The following TMEM132B variants were observed in gnomAD, a reference collection of about 807,000 sequenced individuals.
TMEM132B encodes transmembrane protein 132B.
A neutral mutation model predicts 90.8 loss-of-function variants in TMEM132B; 18 were observed. The observed-to-expected ratio is 0.20, with a 90% CI of 0.14 to 0.29. The LOEUF is 0.29. Ranked by LOEUF, TMEM132B falls within the 10% of genes least tolerant of loss-of-function variation. The pLI is 1.00. For synonymous variants in TMEM132B, 504 were observed against 523.3 expected (o/e 0.96, Z 0.50); for missense variants, 1,096 against 1,326.8 (o/e 0.83, Z 2.70).
intron 1 of TMEM132B, among the ~76,000 whole-genome samples, chr12:125,264,625 G>A (rs959135438): frequency 1.3e-5 from 2 of 152,220 alleles, no homozygotes; most frequent in Admixed American, 6.5e-5. Context: ...AAGCAGTTGG[G>A]TCTGGGAGAG....
In TMEM132B at chr12:125,428,598, G is replaced by A. The variant is rs541903245; in HGVS notation, c.1106+12921G>A. Among the ~76,000 whole-genome samples the A allele has an allele frequency of 3.8e-4, 57 of 151,978 alleles. 1 individual carries two copies. The highest frequency in any genetic ancestry group is 3.4e-3 in the Middle Eastern group (1 of 294). On this transcript the variant is annotated intron_variant, in intron 3 of 8. Transcript: ENST00000682704. ...CAACCCTCCATCTTCCTTTTTCTCC[G>A]TTTCCTAGAGAAAATTCTCCATGAT...
At chr12:125,482,131 G>C (rs1452565916) in intron 3 of TMEM132B, among the ~76,000 whole-genome samples, 1 of 152,162 alleles carries the variant, frequency 6.6e-6, no homozygotes, top group Non-Finnish European at 1.5e-5. Context: ...TTAAATGTTA[G>C]ACCTAAAACC....
chr12:125,229,650 G>C (rs1243777827), intron 1 of TMEM132B, among the ~76,000 whole-genome samples: 1 of 152,228 alleles, frequency 6.6e-6, no homozygotes, highest in Non-Finnish European at 1.5e-5. Flanking sequence ...TCAAGGCACA[G>C]ATATTCTCGT....
chr12:125,345,038 C>T (rs1877312315), intron 1 of TMEM132B, among the ~76,000 whole-genome samples: 1 of 152,100 alleles, frequency 6.6e-6, no homozygotes, highest in Non-Finnish European at 1.5e-5. Flanking sequence ...TGTGATTATT[C>T]CCGCGGTACC....
At chr12:125,254,801 A>G (rs1316875627) in intron 1 of TMEM132B, among the ~76,000 whole-genome samples, 2 of 150,816 alleles carry the variant, frequency 1.3e-5, no homozygotes, top group African/African-American at 4.9e-5. Flanking sequence ...CTCCTGCCTC[A>G]GCCTCCCAAG....
chr12:125,225,423 C>T (rs78078399), intron 1 of TMEM132B, among the ~76,000 whole-genome samples: 5,466 of 152,308 alleles, frequency 0.036, 126 homozygotes, highest in Non-Finnish European at 0.049. Flanking sequence ...TGTGACAGCA[C>T]AGGCCACTCA....
intron 2 of TMEM132B, among the ~76,000 whole-genome samples, chr12:125,381,760 G>A (rs867941438): frequency 2.6e-5 from 4 of 152,172 alleles, no homozygotes; most frequent in Non-Finnish European, 4.4e-5. Flanking sequence ...GTGTGTTCAC[G>A]TAAATCAGGG....
chr12:125,271,214 C>G (rs1239455805), intron 1 of TMEM132B, among the ~76,000 whole-genome samples: 1 of 152,186 alleles, frequency 6.6e-6, no homozygotes, highest in East Asian at 1.9e-4. Context: ...AGGGATCCTC[C>G]TGCCTCAGCT....
chr12:125,215,850 A>G (rs975306614), intron 1 of TMEM132B, among the ~76,000 whole-genome samples: 2 of 152,220 alleles, frequency 1.3e-5, no homozygotes, highest in Non-Finnish European at 2.9e-5. Context: ...CCTCTTTCTT[A>G]TAAAGACCCT....
Position 125,659,980 on chromosome 12 carries a change from C to A in TMEM132B, c.*5270C>A, listed in dbSNP as rs1051151462. On this transcript the variant is annotated 3_prime_UTR_variant, in exon 9 of 9. Coordinates refer to ENST00000682704, the MANE Select transcript of TMEM132B (RefSeq NM_001366854.1). ...TTCCCTGGGAACATGGGAGCACTGA[C>A]ACAGAACTCAACTGGTCCAGCCCTT... The A allele has an allele frequency of 2.0e-5, 3 of 152,334 alleles. No homozygotes were observed. Among genetic ancestry groups the A allele is most frequent in the African/African-American group, 7.2e-5 (3 of 41,452 alleles). The allele number at this position is 152,334 out of a possible 1,614,324, so 9.4% of individuals were successfully genotyped here.
intron 1 of TMEM132B, among the ~76,000 whole-genome samples, chr12:125,311,578 C>T (rs1876125360): frequency 6.6e-6 from 1 of 152,190 alleles, no homozygotes; most frequent in Non-Finnish European, 1.5e-5. Context: ...GCCCCATGAT[C>T]TCATTCCTGG....
chr12:125,414,112 A>G (rs954578181), intron 2 of TMEM132B, among the ~76,000 whole-genome samples: 3 of 152,146 alleles, frequency 2.0e-5, no homozygotes, highest in African/African-American at 7.2e-5. Flanking sequence ...GGGTATTTTC[A>G]TGTGTTTATT....
At chr12:125,435,052 C>G (rs1189880935) in intron 3 of TMEM132B, among the ~76,000 whole-genome samples, 1 of 152,208 alleles carries the variant, frequency 6.6e-6, no homozygotes, top group East Asian at 1.9e-4. Flanking sequence ...CTCCGCACCT[C>G]TGCTTTGTAC....
chr12:125,393,968 G>A (rs1030717182), intron 2 of TMEM132B, among the ~76,000 whole-genome samples: 2 of 152,196 alleles, frequency 1.3e-5, no homozygotes, highest in African/African-American at 4.8e-5. Context: ...TCTGAGTAAT[G>A]CTGTTCATAG....
At chr12:125,580,862 A>T (rs989077450) in intron 4 of TMEM132B, among the ~76,000 whole-genome samples, 3 of 152,218 alleles carry the variant, frequency 2.0e-5, no homozygotes, top group African/African-American at 7.2e-5. Context: ...CACAAATAAG[A>T]GCAGAATAAA....
Position 125,349,260 on chromosome 12 carries a change from CTG to C in TMEM132B, c.68-189_68-188del, listed in dbSNP as rs10583509. Among the ~76,000 whole-genome samples the C allele has an allele frequency of 0.27, 41,540 of 151,932 alleles. 5,951 individuals carry two copies. Among genetic ancestry groups the C allele is most frequent in the Admixed American group, 0.37 (5,704 of 15,274 alleles). ...GTGGTAAATGGGGTTCCTCCCCACT[CTG>C]TGCTGTCTTTTTGGGAAGATCCTGA... On this transcript the variant is annotated intron_variant, in intron 1 of 8. Coordinates refer to ENST00000682704, the MANE Select transcript of TMEM132B (RefSeq NM_001366854.1). The surrounding 1 kb of genome is among the most constrained non-coding windows in gnomAD (Gnocchi z 4.1).
intron 4 of TMEM132B, among the ~76,000 whole-genome samples, chr12:125,556,445 T>C (rs1275608503): frequency 1.3e-5 from 2 of 152,136 alleles, no homozygotes; most frequent in Non-Finnish European, 2.9e-5. Context: ...TTAGACTAAC[T>C]CCAGACGGTG....
intron 1 of TMEM132B, among the ~76,000 whole-genome samples, chr12:125,232,899 G>T (rs1332846842): frequency 2.0e-5 from 3 of 152,198 alleles, no homozygotes; most frequent in Non-Finnish European, 4.4e-5. Context: ...CTCTAGCCTG[G>T]AGAAGTTGGG....
intron 3 of TMEM132B, among the ~76,000 whole-genome samples, chr12:125,450,353 A>T (rs1343047639): frequency 6.6e-6 from 1 of 152,240 alleles, no homozygotes; most frequent in African/African-American, 2.4e-5. Context: ...AATTACATAG[A>T]ACAAAGTTTG....
Sources: gnomAD v4.1 joint callset for allele counts (sites outside exome capture counted in the v4.1 genomes callset) on GRCh38, gnomAD v4.1.1 for gene constraint, Gnocchi (gnomAD v3.1) non-coding constraint, MANE v1.5 for transcripts, NCBI Gene and HGNC (gene_info 2026-07-23, HGNC 2026-07-21) for gene names.